SAMTOR: variants seen among roughly 807,000 people sequenced by gnomAD.
The protein encoded by SAMTOR is S-adenosylmethionine sensor upstream of mTORC1, also known as UPF0532 protein C7orf60.
the SAMTOR span, among the ~76,000 whole-genome samples, chr7:112,873,617 T>A: frequency 4.3e-4 from 65 of 152,158 alleles, no homozygotes; most frequent in African/African-American, 1.5e-3. Flanking sequence ...AATGCTAGAA[T>A]AAAATCTAGG....
the SAMTOR span, among the ~76,000 whole-genome samples, chr7:112,831,676 G>A: frequency 6.6e-6 from 1 of 152,076 alleles, no homozygotes; most frequent in Non-Finnish European, 1.5e-5. Context: ...AGCTGATAAG[G>A]TGATCCTGCT....
At chr7:112,821,740 T>C in the SAMTOR span, 1 of 1,577,558 alleles carries the variant, frequency 6.3e-7, no homozygotes, top group Non-Finnish European at 8.6e-7. Context: ...TTTTTGCTTC[T>C]ATATTAACTT....
At chr7:112,923,909 T>C in the SAMTOR span, among the ~76,000 whole-genome samples, 1 of 152,100 alleles carries the variant, frequency 6.6e-6, no homozygotes, top group African/African-American at 2.4e-5. Context: ...TGGATGAAAC[T>C]GGAAATCATC....
the SAMTOR span, among the ~76,000 whole-genome samples, chr7:112,858,054 G>T: frequency 6.6e-6 from 1 of 152,110 alleles, no homozygotes; most frequent in Non-Finnish European, 1.5e-5. Context: ...TCCAGGGCTG[G>T]GTTAGGAGGC....
the SAMTOR span, chr7:112,821,719 C>T: frequency 2.6e-6 from 4 of 1,553,670 alleles, no homozygotes; most frequent in South Asian, 1.3e-5. Context: ...GGAGCCTGGA[C>T]TGAAAGGGGC....
chr7:112,867,945 G>A, the SAMTOR span, among the ~76,000 whole-genome samples: 33 of 152,196 alleles, frequency 2.2e-4, no homozygotes, highest in African/African-American at 7.5e-4. Context: ...TGTTAGATCA[G>A]CAGCAGCATT....
At chr7:112,887,804 T>C in the SAMTOR span, among the ~76,000 whole-genome samples, 1 of 152,158 alleles carries the variant, frequency 6.6e-6, no homozygotes, top group Non-Finnish European at 1.5e-5. Flanking sequence ...CTTTCATTTT[T>C]GGTATTTATT....
the SAMTOR span, among the ~76,000 whole-genome samples, chr7:112,916,252 T>A: frequency 0.59 from 90,123 of 151,998 alleles, 29,816 homozygotes; most frequent in East Asian, 0.9. Context: ...ATTGAAAACA[T>A]CACTGTGATG....
At chr7:112,913,667 T>C in the SAMTOR span, among the ~76,000 whole-genome samples, 1 of 152,156 alleles carries the variant, frequency 6.6e-6, no homozygotes, top group East Asian at 1.9e-4. Flanking sequence ...TAGCTGTTCA[T>C]TGCCTTATTT....
the SAMTOR span, among the ~76,000 whole-genome samples, chr7:112,871,715 T>C: frequency 2.6e-5 from 4 of 152,184 alleles, no homozygotes; most frequent in African/African-American, 9.6e-5. Context: ...TGATCAATGT[T>C]AATAGCATAA....
chr7:112,827,112 A>G, the SAMTOR span, among the ~76,000 whole-genome samples: 1 of 152,186 alleles, frequency 6.6e-6, no homozygotes. Flanking sequence ...ATTTTAATGT[A>G]GCCATGCCAG....
At chr7:112,824,519 T>C in the SAMTOR span, among the ~76,000 whole-genome samples, 2 of 151,812 alleles carry the variant, frequency 1.3e-5, no homozygotes, top group Non-Finnish European at 2.9e-5. Context: ...CGCACCACCA[T>C]GCCTGGCTAA....
At chr7:112,867,868 G>A in the SAMTOR span, among the ~76,000 whole-genome samples, 1 of 152,232 alleles carries the variant, frequency 6.6e-6, no homozygotes. Context: ...TCCGTGGCCT[G>A]TTAGGAACCG....
the SAMTOR span, among the ~76,000 whole-genome samples, chr7:112,877,048 C>T: frequency 6.6e-6 from 1 of 152,192 alleles, no homozygotes; most frequent in Non-Finnish European, 1.5e-5. Flanking sequence ...TCATGGTCCA[C>T]TGGACTATGA....
chr7:112,880,286 T>C, the SAMTOR span, among the ~76,000 whole-genome samples: 1 of 152,108 alleles, frequency 6.6e-6, no homozygotes. Flanking sequence ...GATCAGAAAA[T>C]GTAGAGCTTT....
At chr7:112,850,197 G>A in the SAMTOR span, among the ~76,000 whole-genome samples, 6 of 148,550 alleles carry the variant, frequency 4.0e-5, no homozygotes, top group African/African-American at 1.5e-4. Flanking sequence ...GTGAAACTCC[G>A]TCTCAAAACA....
the SAMTOR span, among the ~76,000 whole-genome samples, chr7:112,919,307 C>T: frequency 2.4e-4 from 37 of 152,306 alleles, no homozygotes; most frequent in South Asian, 7.7e-3. Flanking sequence ...CTCAAAACCA[C>T]TCAACTACAT....
chr7:112,850,831 A>G, the SAMTOR span, among the ~76,000 whole-genome samples: 1 of 152,158 alleles, frequency 6.6e-6, no homozygotes, highest in African/African-American at 2.4e-5. Context: ...CAGTCTATCA[A>G]TTTTGTTTAT....
the SAMTOR span, chr7:112,832,741 A>G: frequency 1.8e-6 from 2 of 1,083,280 alleles, no homozygotes; most frequent in Non-Finnish European, 2.8e-6. Flanking sequence ...ATAGATTATC[A>G]GTTCTTTAAC....
Sources: gnomAD v4.1 joint callset for allele counts (sites outside exome capture counted in the v4.1 genomes callset) on GRCh38, gnomAD v4.1.1 for gene constraint, MANE v1.5 for transcripts, NCBI Gene and HGNC (gene_info 2026-07-23, HGNC 2026-07-21) for gene names.